LMBR1: variants seen among roughly 807,000 people sequenced by gnomAD.
LMBR1 encodes the protein limb region 1 protein homolog.
LMBR1 carries 52 observed loss-of-function variants against 73.9 expected under a neutral mutation model. The ratio of observed to expected loss-of-function variants is 0.70; its 90% confidence interval spans 0.56 to 0.89. LMBR1 has a LOEUF of 0.89. Ranked by LOEUF, LMBR1 falls within the 40% of genes least tolerant of loss-of-function variation. The pLI is 0.00. For missense variants in LMBR1, 539 were observed against 579.8 expected, an observed-to-expected ratio of 0.93 and a Z score of 0.72; for synonymous variants, 215 against 209.4, an observed-to-expected ratio of 1.03 and a Z score of -0.23.
chr7:156,691,529 A>G (rs1029332993), intron 15 of LMBR1, among the ~76,000 whole-genome samples: 1 of 152,178 alleles, frequency 6.6e-6, no homozygotes, highest in South Asian at 2.1e-4. Context: ...TCTTTAGCCC[A>G]CCTGAGTAAA....
Position 156,678,027 on chromosome 7 carries a change from G to GGA in LMBR1, c.*6049_*6050dup, listed in dbSNP as rs2131803295. The GGA allele has an allele frequency of 6.6e-6, 1 of 152,368 alleles. No individual in the cohort carries two copies. Among genetic ancestry groups the GGA allele is most frequent in the South Asian group, 2.1e-4 (1 of 4,828 alleles). 9.4% of individuals were successfully genotyped at this position (152,368 alleles called of 1,614,324 possible). ...ACTTTGGATCTAGAAGGAGAGTCCC[G>GGA]GAGATACATGGATCATTCAGTGATG... On this transcript the variant is annotated 3_prime_UTR_variant, in exon 17 of 17. Transcript: ENST00000353442.
At chr7:156,842,905 T>G (rs1048510090) in intron 1 of LMBR1, among the ~76,000 whole-genome samples, 59 of 152,182 alleles carry the variant, frequency 3.9e-4, no homozygotes, top group African/African-American at 1.3e-3. Context: ...ATCCTAGCTC[T>G]CTCCTCCCCT....
chr7:156,841,745 G>T (rs921760113), intron 1 of LMBR1, among the ~76,000 whole-genome samples: 1 of 152,050 alleles, frequency 6.6e-6, no homozygotes, highest in Non-Finnish European at 1.5e-5. Context: ...GAGTAGTGGA[G>T]GTAAAACCCT....
intron 9 of LMBR1, among the ~76,000 whole-genome samples, chr7:156,740,966 C>G (rs1180437360): frequency 6.6e-6 from 1 of 152,240 alleles, no homozygotes; most frequent in South Asian, 2.1e-4. Flanking sequence ...ATAGACAGTA[C>G]AGTAAGACAT....
At chr7:156,819,895 C>T (rs1235924779) in intron 4 of LMBR1, among the ~76,000 whole-genome samples, 4 of 152,178 alleles carry the variant, frequency 2.6e-5, no homozygotes, top group Non-Finnish European at 5.9e-5. Flanking sequence ...TACTGATTTC[C>T]TGACCTGTGG....
intron 1 of LMBR1, among the ~76,000 whole-genome samples, chr7:156,858,825 G>A (rs1458081688): frequency 6.6e-6 from 1 of 152,024 alleles, no homozygotes; most frequent in Non-Finnish European, 1.5e-5. Context: ...ATCAATAGAT[G>A]CAGGAAAATC....
chr7:156,786,940 A>G (rs1055784359), intron 5 of LMBR1, among the ~76,000 whole-genome samples: 1 of 152,200 alleles, frequency 6.6e-6, no homozygotes, highest in Non-Finnish European at 1.5e-5. Context: ...ATTATACATA[A>G]CATTTTTAAT....
intron 15 of LMBR1, among the ~76,000 whole-genome samples, chr7:156,723,376 G>A (rs1331792892): frequency 6.6e-6 from 1 of 152,072 alleles, no homozygotes; most frequent in African/African-American, 2.4e-5. Context: ...AATCATTCGT[G>A]TGCACTCTTA....
At chr7:156,782,512 C>A (rs1827326158) in intron 5 of LMBR1, among the ~76,000 whole-genome samples, 1 of 152,194 alleles carries the variant, frequency 6.6e-6, no homozygotes. Context: ...AGTCATCCTA[C>A]TAGGAGGTAT....
At chr7:156,828,734 G>C (rs1836128910) in intron 3 of LMBR1, among the ~76,000 whole-genome samples, 1 of 152,150 alleles carries the variant, frequency 6.6e-6, no homozygotes, top group Non-Finnish European at 1.5e-5. Context: ...TAGCAAACAA[G>C]GACCAGGATC....
At chr7:156,844,773 C>G (rs1839333807) in intron 1 of LMBR1, among the ~76,000 whole-genome samples, 3 of 152,110 alleles carry the variant, frequency 2.0e-5, no homozygotes, top group African/African-American at 7.2e-5. Context: ...CTAGCTAGCC[C>G]AGAAAGAAGG....
At chr7:156,762,703 C>A (rs769898719) in intron 7 of LMBR1, among the ~76,000 whole-genome samples, 9 of 152,214 alleles carry the variant, frequency 5.9e-5, no homozygotes, top group Middle Eastern at 3.4e-3. Flanking sequence ...CATAATTCTA[C>A]CATTTCCATT....
chr7:156,814,429 T>A (rs1438708726), intron 4 of LMBR1, among the ~76,000 whole-genome samples: 1 of 152,260 alleles, frequency 6.6e-6, no homozygotes, highest in Non-Finnish European at 1.5e-5. Flanking sequence ...ATGTCTGCAT[T>A]TGTTTTCTCA....
chr7:156,675,579 T>G, downstream of LMBR1: 2 of 768,116 alleles, frequency 2.6e-6, no homozygotes. Flanking sequence ...CTAAAAAGTA[T>G]TATTCGAAGA....
At chr7:156,693,976 G>GAACCAT (rs1807760153) in intron 15 of LMBR1, among the ~76,000 whole-genome samples, 1 of 152,174 alleles carries the variant, frequency 6.6e-6, no homozygotes, top group African/African-American at 2.4e-5. Context: ...TTATTGCTGG[G>GAACCAT]ATGCAAGTAT....
chr7:156,785,826 A>C (rs1025493557), intron 5 of LMBR1, among the ~76,000 whole-genome samples: 7 of 152,212 alleles, frequency 4.6e-5, no homozygotes, highest in Non-Finnish European at 1.0e-4. Context: ...GTAGAAGAGG[A>C]GTCATTAGTT....
intron 12 of LMBR1, among the ~76,000 whole-genome samples, chr7:156,726,802 A>AC (rs1220089678): frequency 6.6e-6 from 1 of 151,994 alleles, no homozygotes; most frequent in African/African-American, 2.4e-5. Flanking sequence ...AGGCCATAAG[A>AC]CCCCCATCCA....
intron 5 of LMBR1, among the ~76,000 whole-genome samples, chr7:156,787,119 G>GTGCC (rs1262572942): frequency 6.6e-6 from 1 of 152,126 alleles, no homozygotes; most frequent in Non-Finnish European, 1.5e-5. Flanking sequence ...TGGGCAAGGT[G>GTGCC]TGCGCATGCT....
intron 1 of LMBR1, chr7:156,892,672 A>T: frequency 8.2e-6 from 2 of 243,760 alleles, no homozygotes; most frequent in Non-Finnish European, 7.5e-6. Context: ...AGGGAGCGCG[A>T]GGGGGCAGGG....
Sources: allele counts gnomAD v4.1 joint callset (sites outside exome capture counted in the v4.1 genomes callset), GRCh38; gene constraint gnomAD v4.1.1; transcripts MANE v1.5; gene names NCBI Gene and HGNC (gene_info 2026-07-23, HGNC 2026-07-21).